Variants in TENM3 observed in about 807,000 individuals in gnomAD.
TENM3 encodes teneurin transmembrane protein 3, also known as teneurin-3.
A neutral mutation model predicts 255.1 loss-of-function variants in TENM3; 63 were observed. The ratio of observed to expected loss-of-function variants is 0.25; its 90% CI spans 0.20 to 0.30. The LOEUF is 0.30. TENM3 is among the 10% of genes least tolerant of loss of function. TENM3 has a pLI of 1.00. For missense variants in TENM3, 2,929 were observed against 3,461.1 expected, an observed-to-expected ratio of 0.85 and a Z score of 3.86; for synonymous variants, 1,306 against 1,322.3, an observed-to-expected ratio of 0.99 and a Z score of 0.27.
At chr4:182,408,114 AG>A (rs1198432254) in intron 3 of TENM3, among the ~76,000 whole-genome samples, 8 of 152,232 alleles carry the variant, frequency 5.3e-5, no homozygotes, top group Non-Finnish European at 1.2e-4. Flanking sequence ...AAAGGCACAT[AG>A]GACCATAATC....
At chr4:182,506,997 T>G (rs1393391450) in intron 3 of TENM3, among the ~76,000 whole-genome samples, 3 of 152,228 alleles carry the variant, frequency 2.0e-5, no homozygotes, top group African/African-American at 7.2e-5. Context: ...GTCATATTCA[T>G]GATCCGTGAA....
Position 182,271,398 on chromosome 4 carries a change from C to T in TENM3, c.-76+27922C>T, listed in dbSNP as rs184952720. ...GAAACAAAAGCTCTTTTTTCTCCCC[C>T]TTGCAATCATCGGTAAATAAGGCCT... is the stretch of plus-strand genomic sequence containing the variant. On this transcript the variant is annotated intron_variant, in intron 1 of 27. Transcript: ENST00000511685. 4.7e-3 allele frequency among the ~76,000 whole-genome samples: 708 copies of T among 152,204 alleles called. 5 individuals carry two copies. Among genetic ancestry groups the T allele is most frequent in the African/African-American group, 0.016 (666 of 41,542 alleles).
At chr4:182,763,433 C>T (rs930156902) in intron 22 of TENM3, among the ~76,000 whole-genome samples, 2 of 151,950 alleles carry the variant, frequency 1.3e-5, no homozygotes, top group South Asian at 2.1e-4. Context: ...GGCGTGGTGG[C>T]GGGCATCTGT....
chr4:181,798,364 G>A, the TENM3 span, among the ~76,000 whole-genome samples: 13 of 151,388 alleles, frequency 8.6e-5, no homozygotes, highest in Admixed American at 4.6e-4. Context: ...GCTGAACTGC[G>A]GTGCTACAAT....
intron 1 of TENM3, among the ~76,000 whole-genome samples, chr4:182,174,504 A>ACG (rs1486870769): frequency 8.7e-6 from 1 of 115,142 alleles, no homozygotes; most frequent in African/African-American, 3.6e-5. Flanking sequence ...CTACTAATTC[A>ACG]CACACACACA....
chr4:181,712,658 C>T, the TENM3 span, among the ~76,000 whole-genome samples: 3 of 152,098 alleles, frequency 2.0e-5, no homozygotes, highest in Non-Finnish European at 4.4e-5. Context: ...TTTTCGCTCT[C>T]TTGGGAAACA....
At chr4:181,868,615 C>A in the TENM3 span, among the ~76,000 whole-genome samples, 3 of 152,262 alleles carry the variant, frequency 2.0e-5, no homozygotes, top group African/African-American at 7.2e-5. Context: ...GTATTCATCA[C>A]GTCAAATGTT....
At chr4:182,236,768 G>A (rs918802482) in intron 1 of TENM3, among the ~76,000 whole-genome samples, 1 of 152,200 alleles carries the variant, frequency 6.6e-6, no homozygotes, top group Admixed American at 6.5e-5. Flanking sequence ...TTTAATAGTT[G>A]TAAATACAGT....
At chr4:182,592,859 A>C (rs913218253) in intron 3 of TENM3, among the ~76,000 whole-genome samples, 34 of 152,372 alleles carry the variant, frequency 2.2e-4, no homozygotes, top group African/African-American at 7.7e-4. Flanking sequence ...ATAGCCAGGA[A>C]GTGAGGTGAA....
At chr4:182,797,537 G>A (rs888455050) in intron 27 of TENM3, among the ~76,000 whole-genome samples, 3 of 152,130 alleles carry the variant, frequency 2.0e-5, no homozygotes, top group Non-Finnish European at 2.9e-5. Flanking sequence ...AACCAGGAAG[G>A]TTTATGGAAT....
At chr4:182,764,686 T>C (rs1763527202) in intron 22 of TENM3, among the ~76,000 whole-genome samples, 1 of 151,964 alleles carries the variant, frequency 6.6e-6, no homozygotes, top group Non-Finnish European at 1.5e-5. Context: ...GAGCATCGAA[T>C]GTGTGTGGGG....
intron 3 of TENM3, among the ~76,000 whole-genome samples, chr4:182,531,424 T>C (rs551715525): frequency 3.2e-4 from 49 of 152,204 alleles, no homozygotes; most frequent in African/African-American, 1.0e-3. Context: ...CTAAAAGCCA[T>C]TAGAAAGCCT....
chr4:182,227,110 A>G (rs568779458), intron 1 of TENM3, among the ~76,000 whole-genome samples: 3 of 152,156 alleles, frequency 2.0e-5, no homozygotes, highest in Non-Finnish European at 4.4e-5. Context: ...AAGACAGCTC[A>G]AGCAGTAGAC....
chr4:181,742,813 T>C, the TENM3 span, among the ~76,000 whole-genome samples: 9 of 149,560 alleles, frequency 6.0e-5, no homozygotes, highest in Non-Finnish European at 1.2e-4. Flanking sequence ...TCTCCCAATG[T>C]TATCCCTCCT....
At chr4:182,550,639 A>G (rs1301139825) in intron 3 of TENM3, among the ~76,000 whole-genome samples, 3 of 152,182 alleles carry the variant, frequency 2.0e-5, no homozygotes, top group Admixed American at 2.0e-4. Flanking sequence ...GAGACAAGTT[A>G]TTAATGCTTC....
intron 4 of TENM3, among the ~76,000 whole-genome samples, chr4:182,616,522 TAAAAA>T (rs542212636): frequency 1.1e-5 from 1 of 94,284 alleles, no homozygotes; most frequent in African/African-American, 4.0e-5. Flanking sequence ...TAAAGTATAA[TAAAAA>T]AAAAAAAAAA....
At chr4:182,279,362 G>A (rs1209613273) in intron 1 of TENM3, among the ~76,000 whole-genome samples, 1 of 151,988 alleles carries the variant, frequency 6.6e-6, no homozygotes, top group East Asian at 1.9e-4. Context: ...ATCATCTTTA[G>A]TATAAAATGT....
the TENM3 span, among the ~76,000 whole-genome samples, chr4:181,709,650 A>T: frequency 6.6e-6 from 1 of 152,278 alleles, no homozygotes; most frequent in East Asian, 1.9e-4. Context: ...GCCAGATCAC[A>T]TACAGGACAT....
At chr4:181,928,361 A>G in the TENM3 span, among the ~76,000 whole-genome samples, 43 of 151,978 alleles carry the variant, frequency 2.8e-4, no homozygotes, top group Non-Finnish European at 1.0e-4. Flanking sequence ...TGAAAAACAC[A>G]GCACAAGAAC....
Sources: allele counts gnomAD v4.1 joint callset (sites outside exome capture counted in the v4.1 genomes callset), GRCh38; gene constraint gnomAD v4.1.1; transcripts MANE v1.5; gene names NCBI Gene and HGNC (gene_info 2026-07-23, HGNC 2026-07-21).